Variants in EFHC2 observed in about 807,000 individuals in gnomAD.
The protein encoded by EFHC2 is EF-hand domain-containing family member C2.
EFHC2 carries 18 observed loss-of-function variants against 52.7 expected under a neutral mutation model. The ratio of observed to expected loss-of-function variants is 0.34; its 90% confidence interval spans 0.24 to 0.51. The LOEUF is 0.51. Among genes scored for constraint, EFHC2 ranks in the 20% least tolerant of loss-of-function variants. The pLI, the probability that EFHC2 is intolerant of heterozygous loss-of-function variation, is 0.97. For synonymous variants in EFHC2, 203 were observed against 204.1 expected (o/e 0.99, Z 0.04); for missense variants, 513 against 562.5 (o/e 0.91, Z 0.89).
At chrX:44,289,927 C>T (rs1266820757) in intron 2 of EFHC2, among the ~76,000 whole-genome samples, 9 of 111,311 alleles carry the variant, frequency 8.1e-5, no homozygotes, top group East Asian at 2.8e-4. Flanking sequence ...GTGATCCGCC[C>T]GCCTCGGCCT....
chrX:44,232,627 G>A lies in EFHC2; in HGVS notation c.1474C>T (p.Gln492Ter), dbSNP rs1168804489. The change falls in exon 10 of 15, where the codon CAA becomes TAA. Residue 492 changes from glutamine to a stop codon, truncating the protein, a stop_gained. Coordinates refer to ENST00000420999, the MANE Select transcript of EFHC2 (RefSeq NM_025184.4). LOFTEE classifies it high-confidence loss of function. ...LKRSRVKKPG[Q>*]EVFKSELSEY... ...GATAGTTCACTTTTAAAGACTTCTT[G>A]TCCAGGCTTCTTAACGCGACTTCTT... 8.3e-7 allele frequency: 1 copy of A among 1,199,070 alleles called. No homozygotes were observed. The highest frequency in any genetic ancestry group is 1.1e-6 in the Non-Finnish European group (1 of 888,858).
chrX:44,169,722 T>C (rs865865159), intron 13 of EFHC2, among the ~76,000 whole-genome samples: 17 of 102,914 alleles, frequency 1.7e-4, no homozygotes, highest in African/African-American at 5.0e-4. Context: ...TAGCTACACA[T>C]ACACACACAC....
At chrX:44,205,549 G>C (rs1340941399) in intron 11 of EFHC2, among the ~76,000 whole-genome samples, 1 of 111,044 alleles carries the variant, frequency 9.0e-6, no homozygotes, top group Non-Finnish European at 1.9e-5. Flanking sequence ...ATAGAGCAGA[G>C]GTAGCTATTT....
At chrX:44,321,056 G>C (rs1177161411) in intron 1 of EFHC2, among the ~76,000 whole-genome samples, 1 of 111,972 alleles carries the variant, frequency 8.9e-6, no homozygotes. Context: ...AGAAATGATA[G>C]TGGCCTAGAC....
chrX:44,232,335 C>T (rs908876595), intron 10 of EFHC2, 146 bp downstream of exon 10: 6 of 385,381 alleles, frequency 1.6e-5, no homozygotes, highest in Middle Eastern at 6.9e-4. Flanking sequence ...GTGGCCAAGT[C>T]ACACGAATCC....
At chrX:44,293,781 A>G (rs2037809233) in intron 2 of EFHC2, among the ~76,000 whole-genome samples, 1 of 112,064 alleles carries the variant, frequency 8.9e-6, no homozygotes, top group African/African-American at 3.2e-5. Flanking sequence ...GATGCTTCAC[A>G]GTTACACTGC....
At chrX:44,302,147 C>T (rs1413255722) in intron 2 of EFHC2, among the ~76,000 whole-genome samples, 1 of 111,542 alleles carries the variant, frequency 9.0e-6, no homozygotes, top group Non-Finnish European at 1.9e-5. Flanking sequence ...TATGAAGGTT[C>T]TAGTTTCTCT....
At chrX:44,309,644 G>A in intron 2 of EFHC2, 1 of 1,133,315 alleles carries the variant, frequency 8.8e-7, no homozygotes, top group Non-Finnish European at 1.2e-6. Flanking sequence ...TGTACCAGGT[G>A]TTTGAACATC....
chrX:44,171,502 C>T (rs1052197795), intron 13 of EFHC2, among the ~76,000 whole-genome samples: 1 of 111,499 alleles, frequency 9.0e-6, no homozygotes, highest in South Asian at 3.8e-4. Context: ...CATTACCCAA[C>T]GAACCCAGGG....
At chrX:44,327,057 A>C (rs2038057275) in intron 1 of EFHC2, among the ~76,000 whole-genome samples, 1 of 111,258 alleles carries the variant, frequency 9.0e-6, no homozygotes, top group Admixed American at 9.7e-5. Context: ...ACAGAGTTTT[A>C]GTAATTTGCC....
chrX:44,340,792 T>C (rs2147404011), intron 1 of EFHC2, among the ~76,000 whole-genome samples: 1 of 111,979 alleles, frequency 8.9e-6, no homozygotes, highest in South Asian at 3.7e-4. Flanking sequence ...CCAAAATATC[T>C]AAAATTTAAA....
At chrX:44,304,042 C>T (rs1331944786) in intron 2 of EFHC2, among the ~76,000 whole-genome samples, 1 of 112,007 alleles carries the variant, frequency 8.9e-6, no homozygotes, top group African/African-American at 3.2e-5. Context: ...AGACGAAAGT[C>T]ATATAAAAAC....
At chrX:44,235,089 T>C (rs1358478443) in intron 9 of EFHC2, among the ~76,000 whole-genome samples, 2 of 111,174 alleles carry the variant, frequency 1.8e-5, no homozygotes, top group South Asian at 3.9e-4. Context: ...CTCCCAGCCC[T>C]AAGCCAACCA....
At chrX:44,300,152 C>T (rs1222390229) in intron 2 of EFHC2, among the ~76,000 whole-genome samples, 1 of 111,045 alleles carries the variant, frequency 9.0e-6, no homozygotes. Flanking sequence ...CATAAATAAC[C>T]ATGACTTTTA....
chrX:44,271,611 G>C (rs1385290168), intron 3 of EFHC2, among the ~76,000 whole-genome samples: 1 of 110,480 alleles, frequency 9.1e-6, no homozygotes, highest in East Asian at 2.9e-4. Flanking sequence ...CTTCCAGCAG[G>C]CTGTCAGTGA....
chrX:44,204,781 G>C (rs2037034381), intron 11 of EFHC2, among the ~76,000 whole-genome samples: 1 of 111,793 alleles, frequency 8.9e-6, no homozygotes, highest in South Asian at 3.8e-4. Context: ...GAGAGAAGGA[G>C]AAAAAGCAAG....
chrX:44,232,509 A>G lies in EFHC2; in HGVS notation c.1592T>C (p.Leu531Ser). The G allele has an allele frequency of 8.7e-7, 1 of 1,154,946 alleles. No homozygotes were observed. The highest frequency in any genetic ancestry group is 1.2e-6 in the Non-Finnish European group (1 of 865,956). The change falls in exon 10 of 15, where the codon TTA becomes TCA. Residue 531 changes from leucine to serine, a missense_variant. Leu to Ser is a moderately radical substitution (Grantham distance 145). Transcript: ENST00000420999. ...FRLLNADEYT[L>S]NYMEQNTDKY... ...ATCTGTATTCTGCTCCATGTAGTTT[A>G]AGGTATACTCATCAGCATTGAGCAA...
At chrX:44,275,638 G>T (rs2037650493) in intron 2 of EFHC2, among the ~76,000 whole-genome samples, 1 of 108,962 alleles carries the variant, frequency 9.2e-6, no homozygotes, top group Admixed American at 1.0e-4. Context: ...CCTAGGCCGG[G>T]CATGATGGCT....
Position 44,286,565 on chromosome X carries a change from T to G in EFHC2, c.232-13729A>C, listed in dbSNP as rs2037749805. 2.7e-5 allele frequency among the ~76,000 whole-genome samples: 3 copies of G among 111,048 alleles called. No individual in the cohort carries two copies. In the South Asian group the frequency reaches 1.2e-3, roughly 43 times the overall value. ...GACAGCTTGATAGAATACAAAGAGT[T>G]TCCCAATCTAAATCCCTGTCCTCTG... On this transcript the variant is annotated intron_variant, in intron 2 of 14. Coordinates refer to ENST00000420999, the MANE Select transcript of EFHC2 (RefSeq NM_025184.4).
Sources: gnomAD v4.1 joint callset for allele counts (sites outside exome capture counted in the v4.1 genomes callset) on GRCh38, gnomAD v4.1.1 for gene constraint, MANE v1.5 for transcripts, NCBI Gene and HGNC (gene_info 2026-07-23, HGNC 2026-07-21) for gene names.